Variants in GLRA2 observed in about 807,000 individuals in gnomAD.
GLRA2 encodes glycine receptor subunit alpha-2.
Under a neutral mutation model 31.6 loss-of-function variants are expected in GLRA2, and 11 were observed. That is an observed-to-expected ratio of 0.35 (90% confidence interval 0.22 to 0.58). The LOEUF (loss-of-function observed/expected upper bound fraction) is 0.58. Ranked by LOEUF, GLRA2 falls within the 20% of genes least tolerant of loss-of-function variation. The pLI is 0.84. For synonymous variants in GLRA2, 132 were observed against 134.0 expected (o/e 0.99, Z 0.10); for missense variants, 212 against 351.8 (o/e 0.60, Z 3.18).
At chrX:14,524,342 A>G (rs1242634368), upstream of GLRA2, among the ~76,000 whole-genome samples, 1 of 111,745 alleles carries the variant, frequency 8.9e-6, no homozygotes, top group African/African-American at 3.2e-5. Flanking sequence ...CTAGAAATCT[A>G]TTTTAATCTA....
chrX:14,639,455 A>G (rs1382844404), intron 7 of GLRA2, among the ~76,000 whole-genome samples: 1 of 112,452 alleles, frequency 8.9e-6, no homozygotes, highest in African/African-American at 3.2e-5. Context: ...CTTAACATTT[A>G]AATAGTTAAA....
intron 7 of GLRA2, 57 bp from the exon 8 acceptor site, chrX:14,690,653 C>G: frequency 1.4e-5 from 12 of 870,704 alleles, no homozygotes; most frequent in Non-Finnish European, 1.8e-5. Flanking sequence ...CTTTCATAGT[C>G]TTTCTTTCTC....
At chrX:14,605,726 A>G (rs1284185703) in intron 5 of GLRA2, among the ~76,000 whole-genome samples, 1 of 111,760 alleles carries the variant, frequency 8.9e-6, no homozygotes, top group East Asian at 2.8e-4. Context: ...AAGGGTGGGA[A>G]TTATTATTTT....
chrX:14,555,389 G>A (rs1489104859), intron 2 of GLRA2, among the ~76,000 whole-genome samples: 1 of 111,757 alleles, frequency 8.9e-6, no homozygotes, highest in Non-Finnish European at 1.9e-5. Flanking sequence ...AGCCTACATA[G>A]GGTCATACAA....
At chrX:14,671,238 T>C (rs1242490765) in intron 7 of GLRA2, among the ~76,000 whole-genome samples, 1 of 111,731 alleles carries the variant, frequency 9.0e-6, no homozygotes, top group East Asian at 2.8e-4. Context: ...GTTTCTTTGC[T>C]ATCCTGGTTC....
chrX:14,560,797 C>CAAAA (rs760583127), intron 2 of GLRA2, among the ~76,000 whole-genome samples: 6 of 41,239 alleles, frequency 1.5e-4, no homozygotes, highest in Non-Finnish European at 1.9e-4. Flanking sequence ...GACCCTGTCT[C>CAAAA]AAAAAAAAAA....
chrX:14,518,142 A>G, the GLRA2 span, among the ~76,000 whole-genome samples: 2 of 112,098 alleles, frequency 1.8e-5, no homozygotes, highest in African/African-American at 6.5e-5. Context: ...AATGTACACC[A>G]AAATCACAGT....
At chrX:14,535,785 C>A (rs993323140) in intron 2 of GLRA2, among the ~76,000 whole-genome samples, 1 of 112,434 alleles carries the variant, frequency 8.9e-6, no homozygotes, top group African/African-American at 3.2e-5. Context: ...ATTCCATCAT[C>A]CTATCAGATA....
At chrX:14,474,755 C>T in the GLRA2 span, among the ~76,000 whole-genome samples, 1 of 107,867 alleles carries the variant, frequency 9.3e-6, no homozygotes, top group Non-Finnish European at 1.9e-5. Context: ...TGGGGCCTCT[C>T]CCCTTATAGT....
chrX:14,633,950 T>C (rs1381732222), intron 7 of GLRA2, among the ~76,000 whole-genome samples: 1 of 111,628 alleles, frequency 9.0e-6, no homozygotes, highest in African/African-American at 3.3e-5. Flanking sequence ...ATTTTATTTT[T>C]ATTTATTTAA....
At position 14,529,992 on chromosome X, in the gene GLRA2, C is replaced by T; in HGVS notation, c.-66C>T. ...ATTTTGAATCTGGACAATAAACAGA[C>T]ACTTTGTCCTAGCATCTTTCTGGAA... is the stretch of plus-strand genomic sequence containing the variant. On this transcript the variant is annotated 5_prime_UTR_variant, in exon 1 of 9. Transcript: ENST00000218075. The T allele has an allele frequency of 1.2e-6, 1 of 820,546 alleles. No individual in the cohort carries two copies. The highest frequency in any genetic ancestry group is 1.9e-6 in the Non-Finnish European group (1 of 538,228). The allele number at this position is 820,546 out of a possible 1,213,427, so 67.6% of individuals were successfully genotyped here.
chrX:14,668,981 C>G (rs776454022), intron 7 of GLRA2, among the ~76,000 whole-genome samples: 1 of 112,277 alleles, frequency 8.9e-6, no homozygotes, highest in Admixed American at 9.4e-5. Context: ...AAGGCAAGTT[C>G]CTTCCACCTA....
chrX:14,503,098 A>G, the GLRA2 span, among the ~76,000 whole-genome samples: 1 of 111,194 alleles, frequency 9.0e-6, no homozygotes, highest in South Asian at 3.8e-4. Flanking sequence ...GTTGCAAATA[A>G]CTTTTGGCAA....
At chrX:14,498,802 T>C in the GLRA2 span, among the ~76,000 whole-genome samples, 1 of 111,285 alleles carries the variant, frequency 9.0e-6, no homozygotes, top group Non-Finnish European at 1.9e-5. Flanking sequence ...AACCATCAAT[T>C]TCCTGTCTAT....
chrX:14,617,013 G>T (rs1341167813), intron 7 of GLRA2, among the ~76,000 whole-genome samples: 1 of 111,613 alleles, frequency 9.0e-6, no homozygotes, highest in Non-Finnish European at 1.9e-5. Flanking sequence ...AGAATTCTCT[G>T]GGGAGAGAGC....
intron 7 of GLRA2, among the ~76,000 whole-genome samples, chrX:14,621,873 AC>A (rs2090523789): frequency 8.9e-6 from 1 of 112,184 alleles, no homozygotes; most frequent in Non-Finnish European, 1.9e-5. Context: ...TTGGGTATAT[AC>A]CCAGTAATGG....
At chrX:14,699,362 T>C (rs1475327913) in intron 8 of GLRA2, among the ~76,000 whole-genome samples, 1 of 112,453 alleles carries the variant, frequency 8.9e-6, no homozygotes, top group Non-Finnish European at 1.9e-5. Context: ...AGCTACTAAA[T>C]AGAAATTGTG....
intron 7 of GLRA2, among the ~76,000 whole-genome samples, chrX:14,663,428 T>C (rs2091010491): frequency 9.0e-6 from 1 of 110,591 alleles, no homozygotes; most frequent in Admixed American, 9.8e-5. Context: ...CTAATTTGTT[T>C]TGTCAATTCC....
At chrX:14,496,533 G>T in the GLRA2 span, among the ~76,000 whole-genome samples, 2 of 111,580 alleles carry the variant, frequency 1.8e-5, no homozygotes, top group African/African-American at 6.5e-5. Context: ...TTTAAATCTT[G>T]GAAATCAGTG....
Sources: allele counts gnomAD v4.1 joint callset (sites outside exome capture counted in the v4.1 genomes callset), GRCh38; gene constraint gnomAD v4.1.1; transcripts MANE v1.5; gene names NCBI Gene and HGNC (gene_info 2026-07-23, HGNC 2026-07-21).